The following TCF25 variants were observed in gnomAD, a reference collection of about 807,000 sequenced individuals.
TCF25 encodes the protein ribosome quality control complex subunit TCF25.
A neutral mutation model predicts 83.1 loss-of-function variants in TCF25; 41 were observed. That is an observed-to-expected ratio of 0.49 (90% confidence interval 0.38 to 0.64). The LOEUF (loss-of-function observed/expected upper bound fraction) is 0.64, where lower values mean the gene tolerates loss of function less well. Among genes scored for constraint, TCF25 ranks in the 30% least tolerant of loss-of-function variants. TCF25 has a pLI of 0.00. For synonymous variants in TCF25, 458 were observed against 365.0 expected (o/e 1.25, Z -2.90); for missense variants, 979 against 914.5 (o/e 1.07, Z -0.91).
At chr16:89,889,869 CA>C (rs2043293734) in intron 5 of TCF25, 1 of 146,946 alleles carries the variant, frequency 6.8e-6, no homozygotes, top group African/African-American at 2.5e-5. Context: ...GAGTTCTAAG[CA>C]TTGTTTTCTT....
intron 16 of TCF25, among the ~76,000 whole-genome samples, chr16:89,908,563 C>A (rs2045218081): frequency 7.9e-6 from 1 of 125,866 alleles, no homozygotes; most frequent in African/African-American, 3.2e-5. Flanking sequence ...CCAGTTCCCA[C>A]CTCTTTCCTC....
intron 1 of TCF25, among the ~76,000 whole-genome samples, chr16:89,879,081 A>G (rs1001493300): frequency 3.3e-5 from 5 of 152,188 alleles, no homozygotes; most frequent in East Asian, 1.9e-4. Flanking sequence ...GTCTGTGTAC[A>G]CAGATGGGCT....
At chr16:89,875,820 CTTTTT>C (rs1164528945) in intron 1 of TCF25, among the ~76,000 whole-genome samples, 9 of 64,860 alleles carry the variant, frequency 1.4e-4, no homozygotes, top group African/African-American at 4.0e-4. Flanking sequence ...CTGCGCCTGG[CTTTTT>C]TTTTTTTTTT....
At chr16:89,910,452 C>T (rs2045469442) in intron 16 of TCF25, 139 bp from the exon 17 acceptor site, 1 of 793,800 alleles carries the variant, frequency 1.3e-6, no homozygotes, top group Non-Finnish European at 2.1e-6. Context: ...GGCCTGTGCT[C>T]AGCTGCTGCT....
At chr16:89,910,443 G>A in intron 16 of TCF25, 148 bp from the exon 17 acceptor site, 1 of 735,964 alleles carries the variant, frequency 1.4e-6, no homozygotes, top group Non-Finnish European at 2.3e-6. Context: ...GGAATCCAGG[G>A]CCTGTGCTCA....
rs767976781 is a variant in TCF25 at position 89,895,131 on chromosome 16, C to T, written c.922C>T (p.Leu308Phe). ...FQEDQEMARD[L>F]VERALYSMEC... is the part of the protein sequence containing the mutation. ...AGAGGATCAGGAGATGGCTCGAGAC[C>T]TCGTAGGTAAGGCAGAGCCCCCACC... The change falls in exon 8 of 18, where the codon CTC becomes TTC. Residue 308 changes from leucine to phenylalanine, a missense_variant. Leu to Phe is a conservative substitution (Grantham distance 22). Transcript: ENST00000263346. 6.2e-7 allele frequency: 1 copy of T among 1,612,364 alleles called. No homozygotes were observed. The highest frequency in any genetic ancestry group is 8.5e-7 in the Non-Finnish European group (1 of 1,179,358).
chr16:89,903,359 G>T (rs1205414389), intron 12 of TCF25, among the ~76,000 whole-genome samples: 3 of 152,254 alleles, frequency 2.0e-5, no homozygotes, highest in African/African-American at 7.2e-5. Flanking sequence ...CTGCCATGGG[G>T]TCCAGTCTTT....
intron 5 of TCF25, among the ~76,000 whole-genome samples, chr16:89,888,907 G>A (rs1292771589): frequency 1.4e-5 from 2 of 139,990 alleles, no homozygotes; most frequent in East Asian, 2.1e-4. Context: ...GGCTGGTCTC[G>A]AACTCCTGAC....
At position 89,898,880 on chromosome 16, in the gene TCF25, C is replaced by G. The variant is rs757021076; in HGVS notation, c.1221+8C>G. 5.0e-6 allele frequency: 8 copies of G among 1,613,084 alleles called. No homozygotes were observed. In the South Asian group the frequency reaches 7.7e-5, roughly 15 times the overall value. ...CTCTTCCAGGAGTGGGAGGTGGGTG[C>G]GAGCCTGGTGAGGCCCCGTGGAGGG... On this transcript the variant is annotated splice_region_variant and intron_variant, in intron 11 of 17. Transcript: ENST00000263346.
intron 9 of TCF25, 30 bp downstream of exon 9, chr16:89,896,113 G>A (rs1165021314): frequency 2.5e-6 from 4 of 1,597,414 alleles, no homozygotes; most frequent in Non-Finnish European, 3.4e-6. Context: ...AGGTGACGCA[G>A]CTCCCCTTCC....
chr16:89,910,886 C>T (rs1175305850), intron 17 of TCF25, among the ~76,000 whole-genome samples, 194 bp from the exon 18 acceptor site: 1 of 152,236 alleles, frequency 6.6e-6, no homozygotes, highest in Non-Finnish European at 1.5e-5. Flanking sequence ...CGGCTTGATC[C>T]CACTCTGTGC....
In TCF25 at chr16:89,907,302, C is replaced by T. The variant is rs767964003; in HGVS notation, c.1779C>T (p.Tyr593=). The T allele has an allele frequency of 5.0e-6, 8 of 1,612,712 alleles. No homozygotes were observed. Among genetic ancestry groups the T allele is most frequent in the African/African-American group, 1.3e-5 (1 of 74,888 alleles). ...FDPLPPSDTI[Y]SYVRPERLSP... ...CTCTGCCTCCTTCGGACACAATCTA[C>T]TCCTACGTCAGGCCAGAGAGGTACC... Residue 593 remains tyrosine, a synonymous_variant, in exon 16 of 18, where the codon TAC becomes TAT. Coordinates refer to ENST00000263346, the MANE Select transcript of TCF25 (RefSeq NM_014972.3).
intron 16 of TCF25, 114 bp from the exon 17 acceptor site, chr16:89,910,477 C>T (rs984523793): frequency 1.7e-5 from 17 of 1,029,916 alleles, no homozygotes; most frequent in East Asian, 2.4e-5. Flanking sequence ...TGCCCCCTGG[C>T]GGCCCCTCCG....
In TCF25 at chr16:89,911,029, C is replaced by T. The variant is rs1345691959; in HGVS notation, c.1873-51C>T. The stretch of plus-strand genomic sequence containing the variant: ...GTGCCTCCTGCTTGGGCCCCGGGCC[C>T]CTAGTCCCAGCACAGACAGCCCCCT... On this transcript the variant is annotated intron_variant, in intron 17 of 17. Transcript: ENST00000263346. 5 of 1,601,592 alleles carry T rather than the reference C, an allele frequency of 3.1e-6. No individual in the cohort carries two copies. In the East Asian group the frequency reaches 6.7e-5, roughly 22 times the overall value.
chr16:89,906,049 G>C (rs1272806076), intron 14 of TCF25, 145 bp from the exon 15 acceptor site: 3 of 720,730 alleles, frequency 4.2e-6, no homozygotes, highest in Non-Finnish European at 6.9e-6. Context: ...GCCTCTGCTC[G>C]AGAGTAAAGT....
intron 1 of TCF25, among the ~76,000 whole-genome samples, chr16:89,882,204 A>C (rs1335970311): frequency 6.6e-6 from 1 of 152,178 alleles, no homozygotes; most frequent in Non-Finnish European, 1.5e-5. Context: ...TTGTGTGTTC[A>C]GTGGTGGTTC....
At position 89,892,243 on chromosome 16, in the gene TCF25, C is replaced by G; in HGVS notation, c.665C>G (p.Pro222Arg). The change falls in exon 6 of 18, where the codon CCT becomes CGT. Residue 222 changes from proline to arginine, a missense_variant. Coordinates refer to ENST00000263346, the MANE Select transcript of TCF25 (RefSeq NM_014972.3). ...VYPKCTWLTTPKSTWPRYSKP... is the reference protein window; with the variant it reads ...VYPKCTWLTTRKSTWPRYSKP... ...CCCAAGTGCACATGGCTGACCACCC[C>G]TAAAAGCACCTGGCCCCGCTACAGC... 2 of 1,613,022 alleles carry G rather than the reference C, an allele frequency of 1.2e-6. No individual in the cohort carries two copies. The highest frequency in any genetic ancestry group is 1.7e-6 in the Non-Finnish European group (2 of 1,179,732).
At chr16:89,883,746 G>A (rs1030502315) in intron 2 of TCF25, 59 of 503,516 alleles carry the variant, frequency 1.2e-4, no homozygotes, top group Middle Eastern at 1.1e-3. Flanking sequence ...GCCCAGCAGT[G>A]TATGTAACCG....
rs1049687355 is a variant in TCF25, at chr16:89,911,131, C to G, written c.1924C>G (p.Leu642Val). 6.2e-7 allele frequency: 1 copy of G among 1,611,794 alleles called. No homozygotes were observed. The highest frequency in any genetic ancestry group is 1.3e-5 in the African/African-American group (1 of 74,916). Residue 642 changes from leucine to valine, a missense_variant, in exon 18 of 18, where the codon CTG (leucine) becomes GTG (valine). Leu to Val is a conservative substitution (Grantham distance 32, BLOSUM62 1). Coordinates refer to ENST00000263346, the MANE Select transcript of TCF25 (RefSeq NM_014972.3). ...VAGGLNRNQG[L>V]NRLMLAVRDM... is the part of the protein sequence containing the mutation. ...TGGGGGTCTGAACCGCAACCAGGGC[C>G]TGAACAGGCTGATGCTGGCTGTGCG...
Sources: gnomAD v4.1 joint callset for allele counts (sites outside exome capture counted in the v4.1 genomes callset) on GRCh38, gnomAD v4.1.1 for gene constraint, MANE v1.5 for transcripts, NCBI Gene and HGNC (gene_info 2026-07-23, HGNC 2026-07-21) for gene names.